GFOD1: variants seen among roughly 807,000 people sequenced by gnomAD.
GFOD1 encodes the protein Gfo/Idh/MocA-like oxidoreductase domain containing 1, also known as glucose-fructose oxidoreductase domain-containing protein 1.
Under a neutral mutation model 25.4 loss-of-function variants are expected in GFOD1, and 9 were observed. That is an observed-to-expected ratio of 0.35 (90% CI 0.21 to 0.62). The LOEUF (loss-of-function observed/expected upper bound fraction) is 0.62. Ranked by LOEUF, GFOD1 falls within the 20% of genes least tolerant of loss-of-function variation. GFOD1 has a pLI of 0.72. For synonymous variants in GFOD1, 253 were observed against 245.6 expected, an observed-to-expected ratio of 1.03 and a Z score of -0.28; for missense variants, 403 against 556.9, an observed-to-expected ratio of 0.72 and a Z score of 2.78.
In GFOD1 at chr6:13,486,662, T is replaced by C; in HGVS notation, c.229A>G (p.Arg77Gly). The C allele has an allele frequency of 6.2e-7, 1 of 1,614,090 alleles. No homozygotes were observed. The highest frequency in any genetic ancestry group is 8.5e-7 in the Non-Finnish European group (1 of 1,179,988). Residue 77 changes from arginine to glycine, a missense_variant, in exon 1 of 2, where the codon AGA (arginine) becomes GGA (glycine). Coordinates refer to ENST00000379287, the MANE Select transcript of GFOD1 (RefSeq NM_018988.4). The stretch of plus-strand genomic sequence containing the variant: ...CCTAGGGTTTTGACAGCGATCTGTC[T>C]GGTGAGGGGCGGCGGCAGGTTAATG... ...VCINLPPPLT[R>G]QIAVKTLGIG... is the part of the protein sequence containing the mutation.
At chr6:13,408,930 A>G (rs924950313) in intron 1 of GFOD1, among the ~76,000 whole-genome samples, 1 of 151,872 alleles carries the variant, frequency 6.6e-6, no homozygotes, top group African/African-American at 2.4e-5. Flanking sequence ...TACTAAAAAT[A>G]CAAAATTAGC....
At chr6:13,389,313 C>A (rs1340374538) in intron 1 of GFOD1, among the ~76,000 whole-genome samples, 1 of 152,204 alleles carries the variant, frequency 6.6e-6, no homozygotes, top group African/African-American at 2.4e-5. Flanking sequence ...CACATGCACA[C>A]ATATGTTTAT....
intron 1 of GFOD1, among the ~76,000 whole-genome samples, chr6:13,474,341 T>C (rs1012360251): frequency 6.6e-6 from 1 of 152,128 alleles, no homozygotes; most frequent in African/African-American, 2.4e-5. Flanking sequence ...ATCGTGCCAC[T>C]TCACTCTAGC....
In GFOD1 at chr6:13,483,656, C is replaced by A. The variant is rs1448379530; in HGVS notation, c.253+2982G>T. On this transcript the variant is annotated intron_variant, in intron 1 of 1. Coordinates refer to ENST00000379287, the MANE Select transcript of GFOD1 (RefSeq NM_018988.4). ...ACAGAGAGTTTCAGATGGCATCAAA[C>A]AGGTTTGGGAACCGATTCCAGGGCT... is the stretch of plus-strand genomic sequence containing the variant. 2.0e-5 allele frequency among the ~76,000 whole-genome samples: 3 copies of A among 152,128 alleles called. No homozygotes were observed. In the East Asian group the frequency reaches 5.8e-4, roughly 29 times the overall value.
chr6:13,424,775 A>G (rs1453361200), intron 1 of GFOD1, among the ~76,000 whole-genome samples: 2 of 152,140 alleles, frequency 1.3e-5, no homozygotes, highest in African/African-American at 4.8e-5. Flanking sequence ...GAAATTTTAC[A>G]AAGGTTTTAA....
At chr6:13,435,162 G>A (rs772332373) in intron 1 of GFOD1, among the ~76,000 whole-genome samples, 1 of 152,170 alleles carries the variant, frequency 6.6e-6, no homozygotes, top group Non-Finnish European at 1.5e-5. Context: ...GGAACAGAGT[G>A]CTAATAAAGA....
At chr6:13,366,910 G>C (rs1166848749) in intron 1 of GFOD1, among the ~76,000 whole-genome samples, 3 of 151,816 alleles carry the variant, frequency 2.0e-5, no homozygotes, top group African/African-American at 7.3e-5. Flanking sequence ...TGCTAAGGTA[G>C]TATAAAATGC....
At chr6:13,469,304 T>C in intron 1 of GFOD1, 4 of 984,964 alleles carry the variant, frequency 4.1e-6, no homozygotes, top group Non-Finnish European at 4.8e-6. Flanking sequence ...TGCCATTTAT[T>C]TTAGCCTCTT....
chr6:13,411,350 G>GGC (rs1786074287), intron 1 of GFOD1, among the ~76,000 whole-genome samples: 2 of 152,240 alleles, frequency 1.3e-5, no homozygotes, highest in South Asian at 4.1e-4. Context: ...GGAGTGCAGT[G>GGC]GCGCGATACC....
At position 13,358,419 on chromosome 6, in the gene GFOD1, C is replaced by T. The variant is rs964640640; in HGVS notation, c.*6324G>A. ...CCATTTTGGTTAAAAAACACAACAA[C>T]AACAATAAAAAGCAGATGAAGTACT... On this transcript the variant is annotated 3_prime_UTR_variant, in exon 2 of 2. Transcript: ENST00000379287. 2.0e-5 allele frequency: 3 copies of T among 151,978 alleles called. No homozygotes were observed. In the South Asian group the frequency reaches 6.2e-4, roughly 32 times the overall value. 9.4% of individuals were successfully genotyped at this position (151,978 alleles called of 1,614,324 possible).
chr6:13,397,185 C>T (rs1051728562), intron 1 of GFOD1, among the ~76,000 whole-genome samples: 4 of 152,140 alleles, frequency 2.6e-5, no homozygotes, highest in Admixed American at 1.3e-4. Flanking sequence ...GTGATTGGCC[C>T]GCCTCGGCCT....
intron 1 of GFOD1, among the ~76,000 whole-genome samples, chr6:13,395,103 G>A (rs1382369878): frequency 1.3e-5 from 2 of 152,036 alleles, no homozygotes; most frequent in Admixed American, 6.6e-5. Context: ...CTTTTTTCTC[G>A]TAGAGACAGT....
chr6:13,380,570 T>C lies in GFOD1; in HGVS notation c.254-14908A>G, dbSNP rs113291376. ...TACACACACCCCTGGCGGAGACTTG[T>C]GTTGGCATTGCTGGCTGGCTGGGGT... On this transcript the variant is annotated intron_variant, in intron 1 of 1. Transcript: ENST00000379287. 1.1e-3 allele frequency among the ~76,000 whole-genome samples: 160 copies of C among 152,214 alleles called. 1 individual carries two copies. The South Asian group carries it at 0.011, about 11-fold the overall frequency.
At chr6:13,432,597 C>T (rs966806531) in intron 1 of GFOD1, among the ~76,000 whole-genome samples, 1 of 152,078 alleles carries the variant, frequency 6.6e-6, no homozygotes, top group African/African-American at 2.4e-5. Context: ...CCAAAGGTGA[C>T]GCTTCTGCCA....
intron 1 of GFOD1, among the ~76,000 whole-genome samples, chr6:13,464,751 G>A (rs907626103): frequency 1.3e-5 from 2 of 152,118 alleles, no homozygotes; most frequent in African/African-American, 4.8e-5. Flanking sequence ...GAGGAATTCC[G>A]CCAGCAGATT....
intron 1 of GFOD1, among the ~76,000 whole-genome samples, chr6:13,465,492 T>C (rs78526407): frequency 0.037 from 5,679 of 152,250 alleles, 337 homozygotes; most frequent in African/African-American, 0.12. Flanking sequence ...GATGCCTAGG[T>C]GATTCACACG....
chr6:13,413,192 C>A (rs1461090995), intron 1 of GFOD1, among the ~76,000 whole-genome samples: 2 of 152,210 alleles, frequency 1.3e-5, no homozygotes, highest in Admixed American at 6.5e-5. Context: ...GTCACTGCAT[C>A]TGCCCACAGG....
intron 1 of GFOD1, among the ~76,000 whole-genome samples, chr6:13,461,135 T>C (rs1360220255): frequency 6.6e-6 from 1 of 152,272 alleles, no homozygotes; most frequent in Non-Finnish European, 1.5e-5. Context: ...TGAGTGTGTG[T>C]ACTGTCTACT....
intron 1 of GFOD1, chr6:13,470,534 T>C: frequency 6.5e-7 from 1 of 1,549,002 alleles, no homozygotes; most frequent in Non-Finnish European, 8.7e-7. Flanking sequence ...GTGGGGGTGC[T>C]GGAGGGAGCA....
Sources: allele counts gnomAD v4.1 joint callset (sites outside exome capture counted in the v4.1 genomes callset), GRCh38; gene constraint gnomAD v4.1.1; transcripts MANE v1.5; gene names NCBI Gene and HGNC (gene_info 2026-07-23, HGNC 2026-07-21).